DENND4C: variants seen among roughly 807,000 people sequenced by gnomAD.
DENND4C encodes DENN domain-containing protein 4C.
DENND4C carries 108 observed loss-of-function variants against 203.0 expected under a neutral mutation model. That is an observed-to-expected ratio of 0.53 (90% CI 0.46 to 0.62). The LOEUF is 0.62. Among genes scored for constraint, DENND4C ranks in the 20% least tolerant of loss-of-function variants. DENND4C has a pLI of 0.00. For missense variants in DENND4C, 2,481 were observed against 2,301.2 expected (o/e 1.08, Z -1.60); for synonymous variants, 871 against 792.4 (o/e 1.10, Z -1.67).
At chr9:19,363,181 G>C (rs1362963552) in intron 30 of DENND4C, among the ~76,000 whole-genome samples, 2 of 152,130 alleles carry the variant, frequency 1.3e-5, no homozygotes, top group Non-Finnish European at 2.9e-5. Context: ...CACATTCCTG[G>C]TGTCTCCTTT....
chr9:19,253,355 A>G (rs925584504), intron 1 of DENND4C, among the ~76,000 whole-genome samples: 10 of 152,192 alleles, frequency 6.6e-5, no homozygotes, highest in African/African-American at 2.4e-4. Context: ...TGTTATTTGC[A>G]TCCCTTCTTT....
At chr9:19,248,829 G>A (rs555596178) in intron 1 of DENND4C, among the ~76,000 whole-genome samples, 1 of 148,800 alleles carries the variant, frequency 6.7e-6, no homozygotes, top group East Asian at 2.0e-4. Flanking sequence ...ACCAAGTCTT[G>A]CTCAGTCACC....
At chr9:19,247,060 T>A (rs946547679) in intron 1 of DENND4C, among the ~76,000 whole-genome samples, 4 of 152,220 alleles carry the variant, frequency 2.6e-5, no homozygotes, top group African/African-American at 7.2e-5. Context: ...TAAATTACTC[T>A]GCCTGTCATC....
intron 16 of DENND4C, among the ~76,000 whole-genome samples, chr9:19,328,566 T>C (rs1345476930): frequency 6.6e-6 from 1 of 151,998 alleles, no homozygotes; most frequent in Non-Finnish European, 1.5e-5. Flanking sequence ...TGAGCTGAGA[T>C]TGTGCCACTG....
chr9:19,248,548 C>G (rs1359483740), intron 1 of DENND4C, among the ~76,000 whole-genome samples: 1 of 151,876 alleles, frequency 6.6e-6, no homozygotes, highest in African/African-American at 2.4e-5. Context: ...CGCCGCCTCG[C>G]CTGGCTAATT....
chr9:19,338,118 A>G (rs1820882468), intron 20 of DENND4C, among the ~76,000 whole-genome samples: 1 of 152,184 alleles, frequency 6.6e-6, no homozygotes, highest in Non-Finnish European at 1.5e-5. Flanking sequence ...CCTGTTTGTA[A>G]TTAACTTCCT....
chr9:19,336,279 G>T lies in DENND4C; in HGVS notation c.2599G>T (p.Glu867Ter). 6.2e-7 allele frequency: 1 copy of T among 1,611,478 alleles called. No individual in the cohort carries two copies. The highest frequency in any genetic ancestry group is 8.5e-7 in the Non-Finnish European group (1 of 1,179,294). The change falls in exon 19 of 33, where the codon GAG becomes TAG. Residue 867 changes from glutamate to a stop codon, truncating the protein, a stop_gained. Transcript: ENST00000434457. LOFTEE classifies it high-confidence loss of function. ...TYGYYNKVVL[E>*]SPWPSSTRSG... ...CTTATTTTACCTTTAGGTAGTCTTG[G>T]AGAGCCCGTGGCCTAGCAGTACCCG...
In DENND4C at chr9:19,360,456, C is replaced by A. The variant is rs1028678931; in HGVS notation, c.5373C>A (p.Ile1791=). The change falls in exon 29 of 33, where the codon ATC becomes ATA. Residue 1791 remains isoleucine, a synonymous_variant. Transcript: ENST00000434457. ...LDLPSNLPGL[I]LTSEHCNEGV... Reference sequence around the variant, plus strand: ...TTCCTAGTAACTTGCCAGGACTTATCCTCACATCTGAACATTGTAATGAAG... The same window carrying A: ...TTCCTAGTAACTTGCCAGGACTTATACTCACATCTGAACATTGTAATGAAG... The A allele has an allele frequency of 1.2e-6, 2 of 1,613,956 alleles. No homozygotes were observed. Among genetic ancestry groups the A allele is most frequent in the Non-Finnish European group, 1.7e-6 (2 of 1,180,016 alleles).
chr9:19,316,910 G>A, intron 12 of DENND4C, 71 bp downstream of exon 12: 1 of 1,302,526 alleles, frequency 7.7e-7, no homozygotes, highest in Non-Finnish European at 1.1e-6. Context: ...TTGCTGCCAA[G>A]AAATACTTAT....
intron 12 of DENND4C, among the ~76,000 whole-genome samples, chr9:19,319,352 TTA>T (rs78391178): frequency 5.1e-5 from 7 of 135,946 alleles, no homozygotes; most frequent in Non-Finnish European, 7.8e-5. Context: ...ATATATATAC[TTA>T]TATATACACA....
rs114785406 is a variant in DENND4C at position 19,280,140 on chromosome 9, G to C, written c.305+3661G>C. ...TTCCTGCCTTCCTGCCTACCTGCCT[G>C]CCTTCCTCCCTTCCTCCCTTCCTTT... On this transcript the variant is annotated intron_variant, in intron 2 of 32. Coordinates refer to ENST00000434457, the MANE Select transcript of DENND4C (RefSeq NM_001330640.2). Among the ~76,000 whole-genome samples, 28 of 149,332 alleles carry C rather than the reference G, an allele frequency of 1.9e-4. 2 individuals are homozygous for C. The highest frequency in any genetic ancestry group is 4.0e-4 in the Admixed American group (6 of 14,990).
At chr9:19,239,170 G>A (rs4977517) in intron 1 of DENND4C, among the ~76,000 whole-genome samples, 124,517 of 151,954 alleles carry the variant, frequency 0.82, 51,458 homozygotes, top group Non-Finnish European at 0.87. Context: ...TTCCCCGAGC[G>A]TCTTGAGGTG....
At chr9:19,295,260 CTT>C (rs1293150636) in intron 5 of DENND4C, among the ~76,000 whole-genome samples, 4 of 152,192 alleles carry the variant, frequency 2.6e-5, no homozygotes, top group Non-Finnish European at 4.4e-5. Context: ...AATCCCAGCA[CTT>C]TGGAAGGCCG....
In DENND4C at chr9:19,358,158, G is replaced by T. The variant is rs774329091; in HGVS notation, c.5158G>T (p.Val1720Leu). 1.2e-6 allele frequency: 2 copies of T among 1,612,370 alleles called. No individual in the cohort carries two copies. Among genetic ancestry groups the T allele is most frequent in the Non-Finnish European group, 1.7e-6 (2 of 1,178,818 alleles). ...VSLPNSLQEV[V>L]DPLGKRPNPP... is the part of the protein sequence containing the mutation. ...TCTTCCAAATAGTCTGCAGGAAGTT[G>T]TGGTATGTAACAACAACAACATTGT... The change falls in exon 28 of 33, where the codon GTG (valine) becomes TTG (leucine). Residue 1720 changes from valine (V) to leucine (L), a missense_variant and splice_region_variant. Val to Leu is a conservative substitution (Grantham distance 32). This residue lies in a region of DENND4C where 2,289 missense variants were observed against 2,113.3 expected (regional missense o/e 1.08). Transcript: ENST00000434457. This position sits in a 1 kb window ranked among gnomAD's most constrained non-coding sequence, Gnocchi z 4.8.
At chr9:19,367,315 A>G (rs1827882882) in intron 30 of DENND4C, among the ~76,000 whole-genome samples, 1 of 152,260 alleles carries the variant, frequency 6.6e-6, no homozygotes, top group Non-Finnish European at 1.5e-5. Flanking sequence ...ATGAGTTACC[A>G]TATGATACAG....
At chr9:19,256,362 T>C (rs1588755946) in intron 1 of DENND4C, among the ~76,000 whole-genome samples, 2 of 136,578 alleles carry the variant, frequency 1.5e-5, no homozygotes, top group Admixed American at 1.7e-4. Context: ...CAGGCTGGAG[T>C]GCAAGGGCGC....
intron 1 of DENND4C, among the ~76,000 whole-genome samples, chr9:19,233,005 A>G: frequency 6.6e-6 from 1 of 151,768 alleles, no homozygotes; most frequent in Admixed American, 6.6e-5. Context: ...GGAATCTCTT[A>G]GAGCCTACTC....
At chr9:19,319,503 T>G (rs1197829967) in intron 12 of DENND4C, among the ~76,000 whole-genome samples, 1 of 148,864 alleles carries the variant, frequency 6.7e-6, no homozygotes, top group Non-Finnish European at 1.5e-5. Context: ...ACAGCACATT[T>G]GGGAAAAAAG....
At chr9:19,327,288 T>C (rs985194767) in intron 15 of DENND4C, among the ~76,000 whole-genome samples, 2 of 151,994 alleles carry the variant, frequency 1.3e-5, no homozygotes, top group Admixed American at 1.3e-4. Context: ...GTCAATAATA[T>C]AAAAATATGT....
Sources: gnomAD v4.1 joint callset for allele counts (sites outside exome capture counted in the v4.1 genomes callset) on GRCh38, gnomAD v4.1.1 for gene constraint, gnomAD v4.1.1 regional missense constraint, Gnocchi (gnomAD v3.1) non-coding constraint, MANE v1.5 for transcripts, NCBI Gene and HGNC (gene_info 2026-07-23, HGNC 2026-07-21) for gene names.